GDI2: variants seen among roughly 807,000 people sequenced by gnomAD.
GDI2 encodes rab GDP dissociation inhibitor beta.
GDI2 carries 22 observed loss-of-function variants against 54.2 expected under a neutral mutation model. That is an observed-to-expected ratio of 0.41 (90% CI 0.29 to 0.58). GDI2 has a LOEUF of 0.58. Among genes scored for constraint, GDI2 ranks in the 20% least tolerant of loss-of-function variants. GDI2 has a pLI of 0.35. For synonymous variants in GDI2, 177 were observed against 182.1 expected, an observed-to-expected ratio of 0.97 and a Z score of 0.23; for missense variants, 422 against 546.0, an observed-to-expected ratio of 0.77 and a Z score of 2.26.
At chr10:5,806,970 G>A (rs941755162) in intron 1 of GDI2, among the ~76,000 whole-genome samples, 28 of 152,014 alleles carry the variant, frequency 1.8e-4, no homozygotes, top group Admixed American at 1.3e-3. Context: ...TAAAATAAAG[G>A]GCCCAGTAAT....
Position 5,768,285 on chromosome 10 carries a change from G to C in GDI2, c.919C>G (p.Pro307Ala), listed in dbSNP as rs1444395558. 6.2e-7 allele frequency: 1 copy of C among 1,609,372 alleles called. No homozygotes were observed. Among genetic ancestry groups the C allele is most frequent in the African/African-American group, 1.3e-5 (1 of 74,802 alleles). The change falls in exon 8 of 11, where the codon CCC becomes GCC. Residue 307 changes from proline (P) to alanine (A), a missense_variant. Pro to Ala is a conservative substitution (Grantham distance 27). Transcript: ENST00000380191. This position sits in a 1 kb window ranked among gnomAD's most constrained non-coding sequence, Gnocchi z 4.4. ...TTGGCATCATTGGTGTTCTTGATGG[G>C]GTGGCTGAGGATGCAAATAACTCTG... is the stretch of plus-strand genomic sequence containing the variant. ...VIRVICILSHPIKNTNDANSC... is the reference protein window; with the variant it reads ...VIRVICILSHAIKNTNDANSC...
chr10:5,800,764 A>AT, intron 1 of GDI2, 59 bp from the exon 2 acceptor site: 1 of 852,422 alleles, frequency 1.2e-6, no homozygotes, highest in Admixed American at 1.7e-5. Context: ...AAAACAGATC[A>AT]TTTTTTTCAA....
At position 5,798,970 on chromosome 10, in the gene GDI2, TC is replaced by T. The variant is rs1841205474; in HGVS notation, c.153+1627del. 2.0e-5 allele frequency among the ~76,000 whole-genome samples: 3 copies of T among 150,620 alleles called. 1 individual carries two copies. In the South Asian group the frequency reaches 6.3e-4, roughly 32 times the overall value. ...GCTTGGACAACAGAGCAAGACTGTC[TC>T]AAAAAAATAAAAATAAAAATAAAAT... On this transcript the variant is annotated intron_variant, in intron 2 of 10. Coordinates refer to ENST00000380191, the MANE Select transcript of GDI2 (RefSeq NM_001494.4).
intron 3 of GDI2, among the ~76,000 whole-genome samples, chr10:5,795,301 T>G (rs1318785138): frequency 6.6e-6 from 1 of 152,042 alleles, no homozygotes; most frequent in Non-Finnish European, 1.5e-5. Flanking sequence ...TTGTATTGTT[T>G]TGTAGAGACA....
chr10:5,813,259 G>A lies in GDI2; in HGVS notation c.-1C>T. ...CGATCACGTCGTACTCCTCATTCATGGCGGGGCAGGCGCGGACGCAGGACC... is the reference window on the plus strand; with the variant it reads ...CGATCACGTCGTACTCCTCATTCATAGCGGGGCAGGCGCGGACGCAGGACC... On this transcript the variant is annotated 5_prime_UTR_variant, in exon 1 of 11. Coordinates refer to ENST00000380191, the MANE Select transcript of GDI2 (RefSeq NM_001494.4). The A allele has an allele frequency of 6.3e-7, 1 of 1,575,570 alleles. No individual in the cohort carries two copies. Among genetic ancestry groups the A allele is most frequent in the East Asian group, 2.3e-5 (1 of 42,702 alleles).
chr10:5,797,248 T>C (rs997832861), intron 2 of GDI2, among the ~76,000 whole-genome samples: 1 of 151,144 alleles, frequency 6.6e-6, no homozygotes, highest in African/African-American at 2.4e-5. Flanking sequence ...CCGTCTCTAC[T>C]AAAAATACAA....
intron 7 of GDI2, among the ~76,000 whole-genome samples, chr10:5,773,135 A>G (rs550770895): frequency 9.9e-5 from 15 of 152,158 alleles, no homozygotes; most frequent in African/African-American, 2.9e-4. Flanking sequence ...TTCCAGTGAG[A>G]CCTAAATAAC....
chr10:5,799,641 G>A (rs1233359571), intron 2 of GDI2, among the ~76,000 whole-genome samples: 1 of 152,232 alleles, frequency 6.6e-6, no homozygotes, highest in Admixed American at 6.5e-5. Flanking sequence ...GGCAGAGCAA[G>A]ATTCTGTCTC....
chr10:5,813,361 G>C lies in GDI2; in HGVS notation c.-103C>G, dbSNP rs1401387756. Reference sequence around the variant, plus strand: ...GCGCTCTTGGGCGCGAAGGAAAGGGGAAGAGAAAGAGAGGAAAATGGAGCT... The same window carrying C: ...GCGCTCTTGGGCGCGAAGGAAAGGGCAAGAGAAAGAGAGGAAAATGGAGCT... On this transcript the variant is annotated 5_prime_UTR_variant, in exon 1 of 11. Transcript: ENST00000380191. 1.2e-6 allele frequency: 1 copy of C among 802,122 alleles called. No individual in the cohort carries two copies. Among genetic ancestry groups the C allele is most frequent in the Non-Finnish European group, 2.0e-6 (1 of 502,872 alleles). The allele number at this position is 802,122 out of a possible 1,614,324, so 49.7% of individuals were successfully genotyped here. A position where few individuals can be genotyped will look rare whatever the true frequency, so the allele number is the denominator to read the frequency against.
intron 2 of GDI2, 55 bp from the exon 3 acceptor site, chr10:5,796,917 C>T (rs11255237): frequency 0.059 from 47,661 of 811,070 alleles, 5,256 homozygotes; most frequent in East Asian, 0.43. Flanking sequence ...TTTTTTATTA[C>T]AATATGTACA....
intron 6 of GDI2, among the ~76,000 whole-genome samples, chr10:5,783,323 C>T (rs1840803333): frequency 9.6e-6 from 1 of 104,490 alleles, no homozygotes; most frequent in Non-Finnish European, 2.3e-5. Context: ...CACCCCTTTA[C>T]CTTAAATTTG....
At position 5,785,870 on chromosome 10, in the gene GDI2, G is replaced by A. The variant is rs1272522143; in HGVS notation, c.569C>T (p.Ala190Val). The A allele has an allele frequency of 1.2e-6, 2 of 1,602,032 alleles. No individual in the cohort carries two copies. Among genetic ancestry groups the A allele is most frequent in the Non-Finnish European group, 1.7e-6 (2 of 1,169,576 alleles). Residue 190 changes from alanine to valine, a missense_variant, in exon 5 of 11, where the codon GCA becomes GTA. By Grantham distance (64) the Ala-to-Val change is moderately conservative. Transcript: ENST00000380191. ...DVIDFTGHAL[A>V]LYRTDDYLDQ... is the part of the protein sequence containing the mutation. The stretch of plus-strand genomic sequence containing the variant: ...TACTTACTCATCAGTTCTGTAAAGT[G>A]CAAGAGCATGACCAGTAAAATCTAT...
Position 5,768,577 on chromosome 10 carries a change from C to CA in GDI2, c.820-194dup. On this transcript the variant is annotated intron_variant, in intron 7 of 10. Transcript: ENST00000380191. This position sits in a 1 kb window ranked among gnomAD's most constrained non-coding sequence, Gnocchi z 4.4. ...AGAAGAACAGCAAAGCTGGAGGACT[C>CA]ACTCACTAAAAAGCTACAGTGATCA... 1 of 569,892 alleles carries CA rather than the reference C, an allele frequency of 1.8e-6. No individual in the cohort carries two copies. The highest frequency in any genetic ancestry group is 3.1e-5 in the Admixed American group (1 of 31,940). 35.3% of individuals were successfully genotyped at this position (569,892 alleles called of 1,614,324 possible). A position where few individuals can be genotyped will look rare whatever the true frequency, so the allele number is the denominator to read the frequency against.
intron 3 of GDI2, 37 bp downstream of exon 3, chr10:5,796,726 A>G: frequency 2.1e-6 from 2 of 965,660 alleles, no homozygotes; most frequent in Non-Finnish European, 3.4e-6. Flanking sequence ...AATTGTAATC[A>G]AAGTACTGTC....
intron 6 of GDI2, among the ~76,000 whole-genome samples, chr10:5,779,922 G>A (rs1057410643): frequency 6.6e-6 from 1 of 151,632 alleles, no homozygotes; most frequent in Non-Finnish European, 1.5e-5. Flanking sequence ...CCAACTCCTG[G>A]GCTTCAAGCG....
intron 1 of GDI2, among the ~76,000 whole-genome samples, chr10:5,802,390 G>A (rs1351879196): frequency 6.6e-6 from 1 of 152,144 alleles, no homozygotes; most frequent in South Asian, 2.1e-4. Flanking sequence ...CACAAGGTCA[G>A]GAGATTGAGA....
At chr10:5,772,747 A>T (rs1048355496) in intron 7 of GDI2, among the ~76,000 whole-genome samples, 1 of 152,142 alleles carries the variant, frequency 6.6e-6, no homozygotes, top group Admixed American at 6.5e-5. Flanking sequence ...ACAGAGCAAA[A>T]CGATTTGATG....
chr10:5,798,342 C>G (rs1289190622), intron 2 of GDI2, among the ~76,000 whole-genome samples: 2 of 152,112 alleles, frequency 1.3e-5, no homozygotes, highest in Non-Finnish European at 2.9e-5. Context: ...AATTCCAGCA[C>G]TTTGTGAGGC....
intron 1 of GDI2, among the ~76,000 whole-genome samples, chr10:5,812,430 C>T (rs7902987): frequency 0.13 from 19,375 of 152,130 alleles, 1,260 homozygotes; most frequent in East Asian, 0.15. Flanking sequence ...AGCAATCCAT[C>T]ACCAACCCAA....
Sources: gnomAD v4.1 joint callset for allele counts (sites outside exome capture counted in the v4.1 genomes callset) on GRCh38, gnomAD v4.1.1 for gene constraint, Gnocchi (gnomAD v3.1) non-coding constraint, MANE v1.5 for transcripts, NCBI Gene and HGNC (gene_info 2026-07-23, HGNC 2026-07-21) for gene names.